The following PAK2 variants were observed in gnomAD, a reference collection of about 807,000 sequenced individuals.
PAK2 encodes the protein serine/threonine-protein kinase PAK 2.
Under a neutral mutation model 65.9 loss-of-function variants are expected in PAK2, and 21 were observed. That is an observed-to-expected ratio of 0.32 (90% CI 0.23 to 0.46). The LOEUF is 0.46. Among genes scored for constraint, PAK2 ranks in the 20% least tolerant of loss-of-function variants. The pLI is 1.00. For synonymous variants in PAK2, 204 were observed against 219.7 expected, an observed-to-expected ratio of 0.93 and a Z score of 0.63; for missense variants, 324 against 642.6, an observed-to-expected ratio of 0.50 and a Z score of 5.36.
rs35943082 is a variant in PAK2, at chr3:196,792,816, T to TAC, written c.188-9096_188-9095dup. Among the ~76,000 whole-genome samples, 522 of 151,498 alleles carry TAC rather than the reference T, an allele frequency of 3.4e-3. 2 individuals carry two copies. The highest frequency in any genetic ancestry group is 0.012 in the African/African-American group (476 of 41,370). On this transcript the variant is annotated intron_variant, in intron 2 of 14. Transcript: ENST00000327134. ...AATGACAGAAAAAAATATATATATA[T>TAC]ACACACACACACACACGGTCAAAGA...
intron 4 of PAK2, among the ~76,000 whole-genome samples, chr3:196,804,545 A>G (rs1290730910): frequency 2.0e-5 from 3 of 152,072 alleles, no homozygotes; most frequent in South Asian, 2.1e-4. Context: ...TCGGCTTGCC[A>G]GAACCCCCGC....
At chr3:196,795,004 A>C (rs1044840506) in intron 2 of PAK2, among the ~76,000 whole-genome samples, 10 of 152,228 alleles carry the variant, frequency 6.6e-5, no homozygotes, top group African/African-American at 2.4e-4. Context: ...ATATCCAATA[A>C]AAACCAGACT....
In PAK2 at chr3:196,771,297, CT is replaced by C. The variant is rs1441772669; in HGVS notation, c.-21-11322del. Reference sequence around the variant, plus strand: ...CAATTACTGCTTCTGTGAAATTTGTCTTTTTTTCTCCTTTGGCCAATTTTAG... The same window carrying C: ...CAATTACTGCTTCTGTGAAATTTGTCTTTTTTCTCCTTTGGCCAATTTTAG... On this transcript the variant is annotated intron_variant, in intron 1 of 14. Coordinates refer to ENST00000327134, the MANE Select transcript of PAK2 (RefSeq NM_002577.4). 1.3e-5 allele frequency among the ~76,000 whole-genome samples: 2 copies of C among 151,934 alleles called. 1 individual carries two copies. Among genetic ancestry groups the C allele is most frequent in the African/African-American group, 4.8e-5 (2 of 41,280 alleles).
intron 2 of PAK2, among the ~76,000 whole-genome samples, chr3:196,787,889 G>A (rs1714947153): frequency 6.6e-6 from 1 of 152,154 alleles, no homozygotes; most frequent in South Asian, 2.1e-4. Flanking sequence ...TAGGAATGAG[G>A]GAGAACCTTG....
At chr3:196,752,871 C>T (rs1045406509) in intron 1 of PAK2, among the ~76,000 whole-genome samples, 1 of 151,886 alleles carries the variant, frequency 6.6e-6, no homozygotes, top group Admixed American at 6.6e-5. Context: ...GTAGTAAAAG[C>T]ATGAGCCACC....
chr3:196,747,371 A>G (rs945707057), intron 1 of PAK2: 17 of 152,066 alleles, frequency 1.1e-4, no homozygotes, highest in African/African-American at 4.1e-4. Flanking sequence ...AATGTTCTTA[A>G]TTTGCTTTTG....
At chr3:196,816,760 T>G (rs1360790776) in intron 11 of PAK2, among the ~76,000 whole-genome samples, 4 of 152,196 alleles carry the variant, frequency 2.6e-5, no homozygotes, top group African/African-American at 9.6e-5. Context: ...ACACCCGTAG[T>G]TCAAAAACAC....
chr3:196,762,373 C>T (rs1272087249), intron 1 of PAK2, among the ~76,000 whole-genome samples: 3 of 141,672 alleles, frequency 2.1e-5, no homozygotes, highest in African/African-American at 5.2e-5. Context: ...TGTAGTGAGC[C>T]GAGATCACGC....
chr3:196,802,946 A>T (rs746983645), intron 3 of PAK2, 71 bp from the exon 4 acceptor site: 19 of 1,035,476 alleles, frequency 1.8e-5, no homozygotes, highest in Non-Finnish European at 2.6e-5. Context: ...GTATTTTGTC[A>T]TTTATCTCTG....
At chr3:196,813,919 C>T (rs1715909376) in intron 10 of PAK2, among the ~76,000 whole-genome samples, 1 of 152,124 alleles carries the variant, frequency 6.6e-6, no homozygotes, top group Admixed American at 6.6e-5. Flanking sequence ...CACTGCACTC[C>T]AGCCTGGCAA....
intron 1 of PAK2, among the ~76,000 whole-genome samples, chr3:196,754,745 G>A (rs1259199494): frequency 2.6e-5 from 4 of 152,160 alleles, no homozygotes; most frequent in African/African-American, 7.2e-5. Flanking sequence ...ACCTGCACAC[G>A]GGCGCAGACA....
At chr3:196,825,279 G>A (rs780605104) in intron 13 of PAK2, among the ~76,000 whole-genome samples, 4 of 152,006 alleles carry the variant, frequency 2.6e-5, no homozygotes, top group East Asian at 3.9e-4. Flanking sequence ...CCGGGAGGCA[G>A]AGGTTGCCAT....
Position 196,803,146 on chromosome 3 carries a change from C to A in PAK2, c.418C>A (p.Leu140Met), listed in dbSNP as rs764867800. ...CTCCAACACAGTGAAGCAGAAATAT[C>A]TGAGCTTTACTCCTCCTGGTAAGAG... ...YDSNTVKQKY[L>M]SFTPPEKDGF... is the part of the protein sequence containing the mutation. Residue 140 changes from leucine (L) to methionine (M), a missense_variant, in exon 4 of 15, where the codon CTG becomes ATG. This residue lies in a region of PAK2 where 20 missense variants were observed against 99.9 expected (regional missense o/e 0.20). Coordinates refer to ENST00000327134, the MANE Select transcript of PAK2 (RefSeq NM_002577.4). 6.2e-7 allele frequency: 1 copy of A among 1,609,614 alleles called. No homozygotes were observed. Among genetic ancestry groups the A allele is most frequent in the Non-Finnish European group, 8.5e-7 (1 of 1,178,252 alleles).
At chr3:196,750,581 G>T (rs1713540478) in intron 1 of PAK2, among the ~76,000 whole-genome samples, 1 of 151,776 alleles carries the variant, frequency 6.6e-6, no homozygotes, top group Admixed American at 6.6e-5. Flanking sequence ...TTAAATTCCT[G>T]TTGTACTTTG....
In PAK2 at chr3:196,830,529, C is replaced by T. The variant is rs1712040161; in HGVS notation, c.*2124C>T. ...GGCACTTCCCTCCTAAGTCAAAGAC[C>T]ATCCTCACTGACTATGTGCCAACGC... On this transcript the variant is annotated 3_prime_UTR_variant, in exon 15 of 15. Transcript: ENST00000327134. 6.6e-6 allele frequency: 1 copy of T among 152,200 alleles called. No individual in the cohort carries two copies. Among genetic ancestry groups the T allele is most frequent in the African/African-American group, 2.4e-5 (1 of 41,446 alleles). The allele number at this position is 152,200 out of a possible 1,614,324, so 9.4% of individuals were successfully genotyped here.
In PAK2 at chr3:196,814,469, A is replaced by C. The variant is rs1443874379; in HGVS notation, c.954A>C (p.Glu318Asp). The C allele has an allele frequency of 6.3e-6, 9 of 1,424,204 alleles. No individual in the cohort carries two copies. The African/African-American group carries it at 1.3e-4, about 20-fold the overall frequency. 88.2% of individuals were successfully genotyped at this position (1,424,204 alleles called of 1,614,324 possible). A position where few individuals can be genotyped will look rare whatever the true frequency, so the allele number is the denominator to read the frequency against. The change falls in exon 11 of 15, where the codon GAA becomes GAC. Residue 318 changes from glutamate to aspartate, a missense_variant. Transcript: ENST00000327134. ...TTTTTAGTTACCTGGTAGGAGATGA[A>C]TTGTTTGTGGTCATGGAATACCTTG... is the stretch of plus-strand genomic sequence containing the variant. Reference protein sequence around the residue: ...NFLDSYLVGDELFVVMEYLAG... With the variant: ...NFLDSYLVGDDLFVVMEYLAG...
At chr3:196,785,686 G>A (rs1714862940) in intron 2 of PAK2, among the ~76,000 whole-genome samples, 1 of 152,130 alleles carries the variant, frequency 6.6e-6, no homozygotes, top group African/African-American at 2.4e-5. Context: ...CTGAGACTGG[G>A]TAATTTATAC....
At position 196,803,025 on chromosome 3, in the gene PAK2, A is replaced by T. The variant is rs1348274941; in HGVS notation, c.297A>T (p.Pro99=). The stretch of plus-strand genomic sequence containing the variant: ...GAATATCTTCTTGTTAGGGCATGCC[A>T]GAACAGTGGGCTCGATTACTACAGA... ...DAVTGEFTGM[P]EQWARLLQTS... The change falls in exon 4 of 15, where the codon CCA becomes CCT. Residue 99 remains proline, a synonymous_variant. Coordinates refer to ENST00000327134, the MANE Select transcript of PAK2 (RefSeq NM_002577.4). The T allele has an allele frequency of 6.3e-7, 1 of 1,591,330 alleles. No individual in the cohort carries two copies. The highest frequency in any genetic ancestry group is 1.2e-5 in the South Asian group (1 of 86,914).
chr3:196,777,524 C>T lies in PAK2; in HGVS notation c.-21-5102C>T, dbSNP rs1011981843. Among the ~76,000 whole-genome samples the T allele has an allele frequency of 3.9e-5, 6 of 152,184 alleles. No homozygotes were observed. In the East Asian group the frequency reaches 9.6e-4, roughly 24 times the overall value. ...CAGCCAAAAACTTGTTTTAATTTCT[C>T]ATACAGTAAGTATATATAAACATAA... On this transcript the variant is annotated intron_variant, in intron 1 of 14. Transcript: ENST00000327134.
Sources: gnomAD v4.1 joint callset for allele counts (sites outside exome capture counted in the v4.1 genomes callset) on GRCh38, gnomAD v4.1.1 for gene constraint, gnomAD v4.1.1 regional missense constraint, MANE v1.5 for transcripts, NCBI Gene and HGNC (gene_info 2026-07-23, HGNC 2026-07-21) for gene names.